The following CPM variants were observed in gnomAD, a reference collection of about 807,000 sequenced individuals.
CPM encodes the protein renal carboxypeptidase.
Under a neutral mutation model 46.4 loss-of-function variants are expected in CPM, and 35 were observed. The ratio of observed to expected loss-of-function variants is 0.75; its 90% confidence interval spans 0.58 to 1.00. The LOEUF is 1.00. Ranked by LOEUF, CPM falls within the 50% of genes least tolerant of loss-of-function variation. The probability of loss-of-function intolerance (pLI) is 0.00; values close to 1 mark genes in which losing one functional copy is unlikely to be tolerated. For synonymous variants in CPM, 195 were observed against 195.3 expected, an observed-to-expected ratio of 1.00 and a Z score of 0.01; for missense variants, 422 against 530.4, an observed-to-expected ratio of 0.80 and a Z score of 2.01.
At chr12:68,947,459 T>C (rs996516216) in intron 1 of CPM, among the ~76,000 whole-genome samples, 1 of 151,952 alleles carries the variant, frequency 6.6e-6, no homozygotes, top group Non-Finnish European at 1.5e-5. Context: ...TAGCCAGGCA[T>C]GGTGGCATGC....
chr12:68,907,696 C>A (rs1188076615), intron 2 of CPM, among the ~76,000 whole-genome samples: 1 of 152,198 alleles, frequency 6.6e-6, no homozygotes, highest in Non-Finnish European at 1.5e-5. Context: ...ATATTTCTGC[C>A]ACACAACATT....
intron 7 of CPM, among the ~76,000 whole-genome samples, chr12:68,866,218 T>C (rs1422672442): frequency 6.6e-5 from 10 of 152,170 alleles, no homozygotes; most frequent in Non-Finnish European, 1.5e-4. Context: ...CAAGCAAACA[T>C]AGTATTTTTC....
intron 2 of CPM, among the ~76,000 whole-genome samples, chr12:68,909,735 T>C (rs1887502941): frequency 1.4e-5 from 2 of 147,070 alleles, no homozygotes; most frequent in Non-Finnish European, 3.0e-5. Context: ...TATCAGAATA[T>C]CAGAAAATCA....
chr12:68,844,916 T>C (rs1427075416), intron 5 of CPM: 2 of 199,852 alleles, frequency 1.0e-5, no homozygotes. Context: ...TAGAGCACCC[T>C]GTCACCACGC....
rs1885631421 is a variant in CPM, at chr12:68,870,222, A to G, written c.609T>C (p.Gly203=). ...GGACCCGCACCTGCTTACCTTGAACACCATTATCAAATGGGTAACTGGCCA... is the reference window on the plus strand; with the variant it reads ...GGACCCGCACCTGCTTACCTTGAACGCCATTATCAAATGGGTAACTGGCCA... ...ALVASYPFDN[G]VQATGALYSR... Residue 203 remains glycine (G), a synonymous_variant, in exon 5 of 9, where the codon GGT becomes GGC. Transcript: ENST00000551568. 6.2e-7 allele frequency: 1 copy of G among 1,613,222 alleles called. No homozygotes were observed. Among genetic ancestry groups the G allele is most frequent in the Non-Finnish European group, 8.5e-7 (1 of 1,179,704 alleles).
chr12:68,842,825 G>T, intron 5 of CPM: 1 of 200,556 alleles, frequency 5.0e-6, no homozygotes, highest in Non-Finnish European at 1.0e-5. Context: ...TTCTTATTTT[G>T]GTTTATTAGT....
chr12:68,899,386 A>T (rs1384938394), intron 2 of CPM, among the ~76,000 whole-genome samples: 1 of 152,248 alleles, frequency 6.6e-6, no homozygotes, highest in Non-Finnish European at 1.5e-5. Context: ...AAGCCAAGTC[A>T]CCTCTGTTAA....
At chr12:68,933,247 C>T (rs1469096885), upstream of CPM, 1 of 151,822 alleles carries the variant, frequency 6.6e-6, no homozygotes, top group Non-Finnish European at 1.5e-5. Context: ...CCGGACGTCC[C>T]TCCGGCCCAC....
chr12:68,913,441 C>T (rs1171663525), intron 2 of CPM, among the ~76,000 whole-genome samples: 3 of 152,148 alleles, frequency 2.0e-5, no homozygotes, highest in Non-Finnish European at 4.4e-5. Context: ...CCTAACCCAA[C>T]ACCCACGTGA....
At chr12:68,892,318 G>C (rs1327336029) in intron 2 of CPM, among the ~76,000 whole-genome samples, 1 of 152,222 alleles carries the variant, frequency 6.6e-6, no homozygotes, top group African/African-American at 2.4e-5. Context: ...GGGAGAACTG[G>C]AAATGGAAGG....
intron 8 of CPM, among the ~76,000 whole-genome samples, chr12:68,857,704 T>A (rs1234066617): frequency 6.6e-6 from 1 of 152,126 alleles, no homozygotes; most frequent in Non-Finnish European, 1.5e-5. Context: ...ATGTCCAGAG[T>A]CTTACCTTCA....
chr12:68,847,145 T>TAC (rs926958796), downstream of CPM: 2 of 99,874 alleles, frequency 2.0e-5, no homozygotes, highest in East Asian at 2.3e-4. Context: ...ATACATATAT[T>TAC]ACATATATAT....
rs1053415191 is a variant in CPM at position 68,851,621 on chromosome 12, A to C, written c.*4816T>G. The stretch of plus-strand genomic sequence containing the variant: ...GCGAGACTCCGTCTCAAAAAAAAAA[A>C]AAAGAAATAAAAAAAGTTACCAGGA... On this transcript the variant is annotated 3_prime_UTR_variant, in exon 9 of 9. Transcript: ENST00000551568. The C allele has an allele frequency of 1.3e-5, 2 of 152,112 alleles. No homozygotes were observed. The highest frequency in any genetic ancestry group is 2.9e-5 in the Non-Finnish European group (2 of 68,014). The allele number at this position is 152,112 out of a possible 1,614,324, so 9.4% of individuals were successfully genotyped here.
chr12:68,909,713 T>C (rs1471794802), intron 2 of CPM, among the ~76,000 whole-genome samples: 3 of 152,054 alleles, frequency 2.0e-5, no homozygotes, highest in East Asian at 3.9e-4. Context: ...GAAACCATCA[T>C]TCTCAGCAAA....
intron 7 of CPM, 106 bp from the exon 8 acceptor site, chr12:68,859,177 ATGT>A (rs1219711116): frequency 1.6e-5 from 9 of 574,796 alleles, no homozygotes; most frequent in Non-Finnish European, 2.1e-5. Context: ...AGCTAACTCA[ATGT>A]TGTGAGTTAA....
At position 68,856,574 on chromosome 12, in the gene CPM, G is replaced by T. The variant is rs1884981094; in HGVS notation, c.1195C>A (p.Gln399Lys). Reference sequence around the variant, plus strand: ...TTTGATACTGGGATAGAATCCAATTGCCCTTGGAATGGAAGTAGAATATCC... The same window carrying T: ...TTTGATACTGGGATAGAATCCAATTTCCCTTGGAATGGAAGTAGAATATCC... ...KKDILLPFQG[Q>K]LDSIPVSNPS... is the part of the protein sequence containing the mutation. Residue 399 changes from glutamine (Q) to lysine (K), a missense_variant, in exon 9 of 9, where the codon CAA becomes AAA. Gln to Lys is a moderately conservative substitution (Grantham distance 53, BLOSUM62 1). Transcript: ENST00000551568. 6.2e-7 allele frequency: 1 copy of T among 1,614,224 alleles called. No individual in the cohort carries two copies.
intron 4 of CPM, among the ~76,000 whole-genome samples, chr12:68,870,683 T>TTTGGGACCA (rs1472847949): frequency 2.0e-5 from 3 of 152,232 alleles, no homozygotes. Context: ...GATGCTCCCT[T>TTTGGGACCA]TTGGGACCTT....
At chr12:68,845,050 G>A (rs1287709218) in intron 5 of CPM, 1 of 208,482 alleles carries the variant, frequency 4.8e-6, no homozygotes, top group African/African-American at 2.3e-5. Context: ...TTACAGGCGT[G>A]AGCCGCCACG....
chr12:68,866,466 C>A (rs542871635), intron 7 of CPM, among the ~76,000 whole-genome samples: 2 of 152,294 alleles, frequency 1.3e-5, no homozygotes, highest in East Asian at 3.9e-4. Flanking sequence ...GCCTCAGCCT[C>A]CCAAGTAACT....
Sources: allele counts gnomAD v4.1 joint callset (sites outside exome capture counted in the v4.1 genomes callset), GRCh38; gene constraint gnomAD v4.1.1; transcripts MANE v1.5; gene names NCBI Gene and HGNC (gene_info 2026-07-23, HGNC 2026-07-21).